SYN2: variants seen among roughly 807,000 people sequenced by gnomAD.
SYN2 encodes synapsin II.
In SYN2, 19 loss-of-function variants were observed where a neutral mutation model predicts 50.9. The observed-to-expected ratio is 0.37, with a 90% CI of 0.26 to 0.55. The LOEUF (loss-of-function observed/expected upper bound fraction) is 0.55. Ranked by LOEUF, SYN2 falls within the 20% of genes least tolerant of loss-of-function variation. The pLI is 0.81. For synonymous variants in SYN2, 255 were observed against 224.9 expected (o/e 1.13, Z -1.20); for missense variants, 587 against 576.4 (o/e 1.02, Z -0.19).
intron 1 of SYN2, among the ~76,000 whole-genome samples, chr3:12,068,846 C>G (rs954083428): frequency 6.6e-6 from 1 of 152,162 alleles, no homozygotes; most frequent in Non-Finnish European, 1.5e-5. Context: ...GCAACTACCA[C>G]ACATCACTAT....
In SYN2 at chr3:12,168,368, A is replaced by C; in HGVS notation, c.1056-8A>C. 1 of 1,612,146 alleles carries C rather than the reference A, an allele frequency of 6.2e-7. No individual in the cohort carries two copies. Among genetic ancestry groups the C allele is most frequent in the South Asian group, 1.1e-5 (1 of 90,522 alleles). On this transcript the variant is annotated splice_region_variant and splice_polypyrimidine_tract_variant and intron_variant, in intron 8 of 12. Transcript: ENST00000621198. ...CCCAGCTTCAGGACACCTTCCCATC[A>C]CCTCCAGGTACAAACTGTGGGTGGA...
rs564402699 is a variant in SYN2, at chr3:12,104,676, A to G, written c.378-35975A>G. Among the ~76,000 whole-genome samples, 551 of 136,946 alleles carry G rather than the reference A, an allele frequency of 4.0e-3. 2 individuals are homozygous for G. The highest frequency in any genetic ancestry group is 5.4e-3 in the Admixed American group (64 of 11,882). 89.8% of individuals were successfully genotyped at this position (136,946 alleles called of 152,430 possible). A position where few individuals can be genotyped will look rare whatever the true frequency, so the allele number is the denominator to read the frequency against. Reference sequence around the variant, plus strand: ...TGCACCCTCCACCTCAGCCTGAGTGATTCTCCTGCCTCAGCCTCTCAAGTA... The same window carrying G: ...TGCACCCTCCACCTCAGCCTGAGTGGTTCTCCTGCCTCAGCCTCTCAAGTA... On this transcript the variant is annotated intron_variant, in intron 1 of 12. Coordinates refer to ENST00000621198, the MANE Select transcript of SYN2 (RefSeq NM_133625.6).
At chr3:12,179,972 G>A (rs1004548764) in intron 10 of SYN2, among the ~76,000 whole-genome samples, 2 of 151,940 alleles carry the variant, frequency 1.3e-5, no homozygotes, top group African/African-American at 4.8e-5. Flanking sequence ...TTTTTGAGAC[G>A]GGGTCTCACT....
rs146456604 is a variant in SYN2 at position 12,167,311 on chromosome 3, G to A, written c.1055+3G>A. 6.2e-7 allele frequency: 1 copy of A among 1,610,616 alleles called. No homozygotes were observed. Among genetic ancestry groups the A allele is most frequent in the East Asian group, 2.2e-5 (1 of 44,820 alleles). The stretch of plus-strand genomic sequence containing the variant: ...GAGCAGATTGCCATGTCAGACAGGT[G>A]AGTTGAGAGAAGGAGTCCAGTTTCC... On this transcript the variant is annotated splice_donor_region_variant and intron_variant, in intron 8 of 12. Coordinates refer to ENST00000621198, the MANE Select transcript of SYN2 (RefSeq NM_133625.6).
intron 1 of SYN2, among the ~76,000 whole-genome samples, chr3:12,135,487 T>G (rs1696878123): frequency 6.6e-6 from 1 of 152,196 alleles, no homozygotes; most frequent in Admixed American, 6.5e-5. Context: ...CTGGGAAGTC[T>G]TTTCCTCCCT....
intron 1 of SYN2, among the ~76,000 whole-genome samples, chr3:12,018,200 TC>T (rs1335728046): frequency 1.3e-5 from 2 of 152,100 alleles, no homozygotes; most frequent in African/African-American, 4.8e-5. Context: ...AAGGGACAAA[TC>T]TGAGCTGAGC....
At position 12,191,544 on chromosome 3, in the gene SYN2, G is replaced by A. The variant is rs1380798957; in HGVS notation, c.*919G>A. On this transcript the variant is annotated 3_prime_UTR_variant, in exon 13 of 13. Transcript: ENST00000621198. ...TGTGTGAAGCTGTTTGTGTCAGTTT[G>A]TGTGTGTGACTGCAGGTGTACATGT... 1.3e-5 allele frequency: 2 copies of A among 152,378 alleles called. No individual in the cohort carries two copies. Among genetic ancestry groups the A allele is most frequent in the East Asian group, 3.9e-4 (2 of 5,194 alleles). The allele number at this position is 152,378 out of a possible 1,614,324, so 9.4% of individuals were successfully genotyped here.
intron 1 of SYN2, chr3:12,070,698 C>A: frequency 9.4e-7 from 1 of 1,067,148 alleles, no homozygotes; most frequent in Admixed American, 1.8e-5. Flanking sequence ...TGTTAATGGA[C>A]CCTGGAGATG....
In SYN2 at chr3:12,144,842, G is replaced by A. The variant is rs562130943; in HGVS notation, c.528-837G>A. 4.6e-5 allele frequency among the ~76,000 whole-genome samples: 7 copies of A among 151,996 alleles called. 1 individual carries two copies. The East Asian group carries it at 1.2e-3, about 25-fold the overall frequency. ...TCAAGACCAGCTTGTCCAACATGGC[G>A]AACATGGCAAAACCCCATCTCTACT... On this transcript the variant is annotated intron_variant, in intron 3 of 12. Coordinates refer to ENST00000621198, the MANE Select transcript of SYN2 (RefSeq NM_133625.6).
chr3:12,101,676 A>G (rs1696079445), intron 1 of SYN2, among the ~76,000 whole-genome samples: 1 of 152,186 alleles, frequency 6.6e-6, no homozygotes, highest in South Asian at 2.1e-4. Context: ...ACAAGGAAGA[A>G]AAGTATAGAG....
chr3:12,168,806 C>T (rs992346140), intron 9 of SYN2, among the ~76,000 whole-genome samples: 1 of 151,996 alleles, frequency 6.6e-6, no homozygotes, highest in Non-Finnish European at 1.5e-5. Context: ...AGCATGTGCC[C>T]AAGACCACAG....
rs116245552 is a variant in SYN2 at position 12,049,254 on chromosome 3, C to T, written c.377+44326C>T. On this transcript the variant is annotated intron_variant, in intron 1 of 12. Transcript: ENST00000621198. ...ACATTAGAGCCCTGGCTCGGTGGCT[C>T]ATGCCCATAATCCTAGCACTTTGGG... 3.5e-3 allele frequency among the ~76,000 whole-genome samples: 530 copies of T among 152,168 alleles called. 3 individuals are homozygous for T. The highest frequency in any genetic ancestry group is 0.012 in the African/African-American group (500 of 41,508).
At chr3:12,153,388 T>A (rs1697360635) in intron 5 of SYN2, 1 of 1,118,456 alleles carries the variant, frequency 8.9e-7, no homozygotes, top group Non-Finnish European at 1.3e-6. Context: ...GTGGCCAGAC[T>A]GTCCACTTGG....
rs1295107178 is a variant in SYN2 at position 12,187,380 on chromosome 3, CA to C, written c.1383del (p.Gln461HisfsTer83). ...QRPPPQGGPGQPQGMQPPGKV... is the reference protein window; with the variant it reads ...QRPPPQGGPGXPQGMQPPGKV... ...TGTACTGAACCTAGGGGGCCCTGGG[CA>C]ACCCCAAGGAATGCAGCCCCCAGGC... On this transcript the variant is annotated frameshift_variant, in exon 12 of 13. Coordinates refer to ENST00000621198, the MANE Select transcript of SYN2 (RefSeq NM_133625.6). LOFTEE classifies it high-confidence loss of function. 8 of 1,543,836 alleles carry C rather than the reference CA, an allele frequency of 5.2e-6. No homozygotes were observed. The South Asian group carries it at 9.5e-5, about 18-fold the overall frequency.
At chr3:12,186,907 T>TAGG (rs1373951976) in intron 11 of SYN2, among the ~76,000 whole-genome samples, 1 of 152,188 alleles carries the variant, frequency 6.6e-6, no homozygotes, top group Non-Finnish European at 1.5e-5. Flanking sequence ...GGAAGTTTGG[T>TAGG]GACTTGCTCA....
intron 1 of SYN2, among the ~76,000 whole-genome samples, chr3:12,008,140 C>G (rs1314275733): frequency 1.3e-5 from 2 of 152,278 alleles, no homozygotes; most frequent in African/African-American, 4.8e-5. Flanking sequence ...GTGTTATACT[C>G]TCACCAGCGA....
At position 12,187,572 on chromosome 3, in the gene SYN2, G is replaced by A. The variant is rs1246308906; in HGVS notation, c.1573G>A (p.Ala525Thr). ...CCTGGCAGAGGCCCAGCCACCCCTG[G>A]CTGCTCCACCACAGAAGCCCCAGCC... ...SSLAEAQPPL[A>T]APPQKPQPHP... The change falls in exon 12 of 13, where the codon GCT becomes ACT. Residue 525 changes from alanine (A) to threonine (T), a missense_variant. By Grantham distance (58) the Ala-to-Thr change is moderately conservative. Transcript: ENST00000621198. 6.4e-7 allele frequency: 1 copy of A among 1,551,892 alleles called. No homozygotes were observed. The highest frequency in any genetic ancestry group is 8.7e-7 in the Non-Finnish European group (1 of 1,146,956).
chr3:12,166,175 G>A (rs1697788418), intron 7 of SYN2, among the ~76,000 whole-genome samples: 1 of 152,164 alleles, frequency 6.6e-6, no homozygotes, highest in Admixed American at 6.5e-5. Flanking sequence ...GTTCCTCAGT[G>A]TCTGAAATCA....
At chr3:12,117,854 C>A (rs557973350) in intron 1 of SYN2, among the ~76,000 whole-genome samples, 1 of 152,294 alleles carries the variant, frequency 6.6e-6, no homozygotes, top group East Asian at 1.9e-4. Context: ...AAACAGATTC[C>A]CATATCTTCC....
Sources: gnomAD v4.1 joint callset for allele counts (sites outside exome capture counted in the v4.1 genomes callset) on GRCh38, gnomAD v4.1.1 for gene constraint, MANE v1.5 for transcripts, NCBI Gene and HGNC (gene_info 2026-07-23, HGNC 2026-07-21) for gene names.